The following ESRRB variants were observed in gnomAD, a reference collection of about 807,000 sequenced individuals.
ESRRB encodes steroid hormone receptor ERR2.
ESRRB carries 16 observed loss-of-function variants against 46.0 expected under a neutral mutation model. The observed-to-expected ratio is 0.35, with a 90% confidence interval of 0.24 to 0.53. The LOEUF is 0.53. Among genes scored for constraint, ESRRB ranks in the 20% least tolerant of loss-of-function variants. The pLI is 0.93. For synonymous variants in ESRRB, 246 were observed against 259.6 expected (o/e 0.95, Z 0.50); for missense variants, 488 against 607.4 (o/e 0.80, Z 2.07).
rs368794354 is a variant in ESRRB, at chr14:76,491,706, C to T, written c.1110C>T (p.Leu370=). Residue 370 remains leucine (L), a synonymous_variant, in exon 6 of 7, where the codon CTC becomes CTT. Transcript: ENST00000644823. ...EEFVTLKALA[L]ANSDSMYIED... is the part of the protein sequence containing the mutation. ...TTGTGACGCTCAAGGCCCTGGCCCT[C>T]GCCAACTCCGGTAAGGGCGGCGGCG... The T allele has an allele frequency of 4.2e-5, 67 of 1,580,170 alleles. No homozygotes were observed. Among genetic ancestry groups the T allele is most frequent in the Admixed American group, 1.3e-4 (7 of 53,212 alleles).
At position 76,498,378 on chromosome 14, in the gene ESRRB, C is replaced by G. The variant is rs1416122912; in HGVS notation, c.1285C>G (p.Gln429Glu). The G allele has an allele frequency of 6.2e-7, 1 of 1,613,316 alleles. No homozygotes were observed. The highest frequency in any genetic ancestry group is 8.5e-7 in the Non-Finnish European group (1 of 1,179,856). ...GCGGCAGACGGCCGCCAAGGCCGTG[C>G]AGCACTTCTATAGCGTCAAACTGCA... Reference protein sequence around the residue: ...LLRQTAAKAVQHFYSVKLQGK... With the variant: ...LLRQTAAKAVEHFYSVKLQGK... Residue 429 changes from glutamine (Q) to glutamate (E), a missense_variant, in exon 7 of 7, where the codon CAG (glutamine) becomes GAG (glutamate). By Grantham distance (29) the Gln-to-Glu change is conservative (BLOSUM62 2). Coordinates refer to ENST00000644823, the MANE Select transcript of ESRRB (RefSeq NM_001379180.1).
chr14:76,415,510 A>G (rs78641995), intron 1 of ESRRB, among the ~76,000 whole-genome samples: 2 of 152,078 alleles, frequency 1.3e-5, no homozygotes, highest in African/African-American at 4.8e-5. Context: ...AAATACAAAA[A>G]TTAGCCAGGC....
chr14:76,477,448 A>T (rs1050696383), intron 3 of ESRRB, among the ~76,000 whole-genome samples: 1 of 152,220 alleles, frequency 6.6e-6, no homozygotes, highest in Non-Finnish European at 1.5e-5. Flanking sequence ...TTTTCTCATC[A>T]TTAAGTCATA....
intron 1 of ESRRB, among the ~76,000 whole-genome samples, chr14:76,346,279 A>G (rs972267068): frequency 6.6e-6 from 1 of 152,168 alleles, no homozygotes; most frequent in Non-Finnish European, 1.5e-5. Flanking sequence ...CTGCTCCTCC[A>G]ACTTCTGTAA....
intron 1 of ESRRB, among the ~76,000 whole-genome samples, chr14:76,392,985 C>T (rs985767958): frequency 1.3e-5 from 2 of 152,204 alleles, no homozygotes; most frequent in African/African-American, 4.8e-5. Context: ...CCTGGGAGGG[C>T]CTCTGTGCGG....
chr14:76,353,228 T>A lies in ESRRB; in HGVS notation c.2+42312T>A, dbSNP rs552288308. On this transcript the variant is annotated intron_variant, in intron 1 of 6. Coordinates refer to the ESRRB transcript ENST00000512784. ...CTTATCTTGGTGAGGTTTCAGGGCT[T>A]GCCCTCCTGGTTCTAACCTCAAAGG... Among the ~76,000 whole-genome samples, 80 of 152,342 alleles carry A rather than the reference T, an allele frequency of 5.3e-4. 3 individuals carry two copies. The South Asian group carries it at 9.7e-3, about 19-fold the overall frequency.
chr14:76,411,874 C>T (rs1392775849), intron 1 of ESRRB, among the ~76,000 whole-genome samples: 1 of 152,158 alleles, frequency 6.6e-6, no homozygotes, highest in Non-Finnish European at 1.5e-5. Context: ...GTTATCATCA[C>T]ACTATTATTT....
chr14:76,485,769 G>A (rs1889994212), intron 5 of ESRRB, among the ~76,000 whole-genome samples: 1 of 152,186 alleles, frequency 6.6e-6, no homozygotes, highest in South Asian at 2.1e-4. Flanking sequence ...CAGACAGAAA[G>A]AGGGGGACTG....
At chr14:76,349,610 T>C (rs1029700669) in intron 1 of ESRRB, among the ~76,000 whole-genome samples, 1 of 152,014 alleles carries the variant, frequency 6.6e-6, no homozygotes, top group Non-Finnish European at 1.5e-5. Context: ...CTAGTTGGGG[T>C]TTATCTGAAC....
chr14:76,495,414 G>A (rs1890386442), intron 6 of ESRRB: 1 of 152,042 alleles, frequency 6.6e-6, no homozygotes, highest in Non-Finnish European at 1.5e-5. Flanking sequence ...CCCCCAAGAG[G>A]GAACACACGT....
chr14:76,401,189 T>G (rs1369990648), intron 1 of ESRRB, among the ~76,000 whole-genome samples: 2 of 152,212 alleles, frequency 1.3e-5, no homozygotes. Flanking sequence ...CTGGGAGTTG[T>G]CATTCATGAA....
intron 2 of ESRRB, among the ~76,000 whole-genome samples, chr14:76,449,294 G>A (rs1480863848): frequency 6.6e-6 from 1 of 152,176 alleles, no homozygotes. Context: ...GCTCATGCCT[G>A]TAATTCCAGC....
chr14:76,456,156 A>G (rs962519064), intron 2 of ESRRB, among the ~76,000 whole-genome samples: 4 of 152,094 alleles, frequency 2.6e-5, no homozygotes, highest in Admixed American at 1.3e-4. Flanking sequence ...TGCTGCTGCT[A>G]TATCTTGAGT....
intron 1 of ESRRB, among the ~76,000 whole-genome samples, chr14:76,434,018 G>A (rs540982332): frequency 6.7e-6 from 1 of 150,156 alleles, no homozygotes; most frequent in Non-Finnish European, 1.5e-5. Flanking sequence ...GAGTGCAGTG[G>A]CACAATCTCG....
chr14:76,452,662 A>G (rs74459471), intron 2 of ESRRB, among the ~76,000 whole-genome samples: 7,047 of 149,646 alleles, frequency 0.047, 633 homozygotes, highest in African/African-American at 0.17. Flanking sequence ...ACAAAAAAAA[A>G]GGTGGATTCA....
At chr14:76,423,687 A>T (rs1443255434) in intron 1 of ESRRB, among the ~76,000 whole-genome samples, 1 of 152,126 alleles carries the variant, frequency 6.6e-6, no homozygotes, top group Non-Finnish European at 1.5e-5. Flanking sequence ...GGGTCCTCAG[A>T]TCCCACCTAA....
chr14:76,429,962 TCCTTCCTGCCTG>T (rs1330347816), intron 1 of ESRRB, among the ~76,000 whole-genome samples: 1 of 151,962 alleles, frequency 6.6e-6, no homozygotes, highest in Non-Finnish European at 1.5e-5. Context: ...CTTCCTTCCT[TCCTTCCTGCCTG>T]CCTTCCTGCC....
chr14:76,392,097 C>G (rs1050220616), intron 1 of ESRRB, among the ~76,000 whole-genome samples: 4 of 152,196 alleles, frequency 2.6e-5, no homozygotes, highest in African/African-American at 9.6e-5. Context: ...CAGTACTTAG[C>G]GGGTCCCCCA....
chr14:76,411,945 C>T (rs1886461409), intron 1 of ESRRB, among the ~76,000 whole-genome samples: 2 of 152,164 alleles, frequency 1.3e-5, no homozygotes, highest in African/African-American at 4.8e-5. Flanking sequence ...ATACAATTAG[C>T]ATAGTGTCAG....
Sources: gnomAD v4.1 joint callset for allele counts (sites outside exome capture counted in the v4.1 genomes callset) on GRCh38, gnomAD v4.1.1 for gene constraint, MANE v1.5 for transcripts, NCBI Gene and HGNC (gene_info 2026-07-23, HGNC 2026-07-21) for gene names.